KIRREL3: variants seen among roughly 807,000 people sequenced by gnomAD.
The protein encoded by KIRREL3 is kirre like nephrin family adhesion molecule 3.
In KIRREL3, 36 loss-of-function variants were observed where a neutral mutation model predicts 89.7. The ratio of observed to expected loss-of-function variants is 0.40; its 90% CI spans 0.31 to 0.53. The LOEUF (loss-of-function observed/expected upper bound fraction) is 0.53. KIRREL3 is among the 20% of genes least tolerant of loss of function. KIRREL3 has a pLI of 0.49. For missense variants in KIRREL3, 864 were observed against 1,056.6 expected, an observed-to-expected ratio of 0.82 and a Z score of 2.53; for synonymous variants, 445 against 441.4, an observed-to-expected ratio of 1.01 and a Z score of -0.10.
In KIRREL3 at chr11:126,752,666, G is replaced by A. The variant is rs1949373278; in HGVS notation, c.56-189754C>T. Among the ~76,000 whole-genome samples, 3 of 152,050 alleles carry A rather than the reference G, an allele frequency of 2.0e-5. No homozygotes were observed. The South Asian group carries it at 6.2e-4, about 32-fold the overall frequency. On this transcript the variant is annotated intron_variant, in intron 1 of 16. Transcript: ENST00000525144. The surrounding 1 kb of genome is among the most constrained non-coding windows in gnomAD (Gnocchi z 4.8). ...CCACTGCCTCCCAAGATTCACATGTGAAAGAATGCAAATTCAATTCCTCCT... is the reference window on the plus strand; with the variant it reads ...CCACTGCCTCCCAAGATTCACATGTAAAAGAATGCAAATTCAATTCCTCCT...
chr11:126,456,284 C>T, intron 7 of KIRREL3, 65 bp downstream of exon 7: 1 of 1,091,902 alleles, frequency 9.2e-7, no homozygotes, highest in Admixed American at 2.0e-5. Context: ...AAGTGACATC[C>T]CACGTGAGAG....
intron 4 of KIRREL3, among the ~76,000 whole-genome samples, chr11:126,505,356 G>A (rs1957987064): frequency 6.6e-6 from 1 of 152,186 alleles, no homozygotes; most frequent in South Asian, 2.1e-4. Context: ...GATCACTTGA[G>A]GCCAGGAGTT....
intron 1 of KIRREL3, among the ~76,000 whole-genome samples, chr11:126,972,220 T>C (rs944978736): frequency 3.0e-5 from 3 of 100,392 alleles, no homozygotes; most frequent in African/African-American, 9.1e-5. Context: ...TGCATACACA[T>C]TTCCACACAC....
intron 1 of KIRREL3, among the ~76,000 whole-genome samples, chr11:126,690,362 G>C (rs1649099): frequency 6.7e-6 from 1 of 149,522 alleles, no homozygotes; most frequent in Admixed American, 6.6e-5. Flanking sequence ...CTAAGCAGGG[G>C]TTTTTTTTTT....
rs1945428033 is a variant in KIRREL3, at chr11:126,879,870, C to T, written c.55+120585G>A. Reference sequence around the variant, plus strand: ...TCATGCCCCTCACTGAGTGGTTAGCCTGCTTTTGTGCTCCCATTTCAGAAC... The same window carrying T: ...TCATGCCCCTCACTGAGTGGTTAGCTTGCTTTTGTGCTCCCATTTCAGAAC... On this transcript the variant is annotated intron_variant, in intron 1 of 16. Transcript: ENST00000525144. The surrounding 1 kb of genome is among the most constrained non-coding windows in gnomAD (Gnocchi z 5.4). 6.6e-6 allele frequency among the ~76,000 whole-genome samples: 1 copy of T among 152,154 alleles called. No homozygotes were observed. The highest frequency in any genetic ancestry group is 1.5e-5 in the Non-Finnish European group (1 of 68,024).
rs1214073675 is a variant in KIRREL3, at chr11:126,754,785, A to T, written c.56-191873T>A. On this transcript the variant is annotated intron_variant, in intron 1 of 16. Coordinates refer to ENST00000525144, the MANE Select transcript of KIRREL3 (RefSeq NM_032531.4). The surrounding 1 kb of genome is among the most constrained non-coding windows in gnomAD (Gnocchi z 5.1). ...AGGATAGAAGCTGATGGTGAATCCA[A>T]CAGTTTCCTAAAATATAGGTCACCA... Among the ~76,000 whole-genome samples, 1 of 152,152 alleles carries T rather than the reference A, an allele frequency of 6.6e-6. No homozygotes were observed. The highest frequency in any genetic ancestry group is 1.5e-5 in the Non-Finnish European group (1 of 68,026).
Position 126,724,268 on chromosome 11 carries a change from A to G in KIRREL3, c.56-161356T>C, listed in dbSNP as rs35268928. On this transcript the variant is annotated intron_variant, in intron 1 of 16. Coordinates refer to ENST00000525144, the MANE Select transcript of KIRREL3 (RefSeq NM_032531.4). This position sits in a 1 kb window ranked among gnomAD's most constrained non-coding sequence, Gnocchi z 4.3. ...AAGATTTCTGATTCCTGTCTCCTGC[A>G]GGTTGGTTCATTTTCTTTCAAACAC... Among the ~76,000 whole-genome samples the G allele has an allele frequency of 4.0e-3, 610 of 152,336 alleles. 3 individuals carry two copies. Among genetic ancestry groups the G allele is most frequent in the African/African-American group, 0.014 (581 of 41,578 alleles).
intron 1 of KIRREL3, among the ~76,000 whole-genome samples, chr11:126,899,462 G>C (rs1462566305): frequency 6.6e-6 from 1 of 152,232 alleles, no homozygotes; most frequent in East Asian, 1.9e-4. Context: ...GGAGGTGAAA[G>C]TCAGATGCAG....
Position 126,571,708 on chromosome 11 carries a change from T to G in KIRREL3, c.56-8796A>C, listed in dbSNP as rs1189929350. Among the ~76,000 whole-genome samples, 2 of 152,140 alleles carry G rather than the reference T, an allele frequency of 1.3e-5. No individual in the cohort carries two copies. Among genetic ancestry groups the G allele is most frequent in the Non-Finnish European group, 2.9e-5 (2 of 68,028 alleles). On this transcript the variant is annotated intron_variant, in intron 1 of 16. Transcript: ENST00000525144. This position sits in a 1 kb window ranked among gnomAD's most constrained non-coding sequence, Gnocchi z 7.7. ...TAGTAAGTGCTGAGGTTAGTAAAGC[T>G]AATCATGAATGAGATTCTTTGGACT...
chr11:126,543,664 G>A (rs1173474866), intron 2 of KIRREL3, among the ~76,000 whole-genome samples: 1 of 152,146 alleles, frequency 6.6e-6, no homozygotes, highest in East Asian at 1.9e-4. Context: ...GAAGCCGATA[G>A]GACAGCCCCT....
rs79843149 is a variant in KIRREL3, at chr11:126,893,536, C to T, written c.55+106919G>A. Among the ~76,000 whole-genome samples, 481 of 152,292 alleles carry T rather than the reference C, an allele frequency of 3.2e-3. 19 individuals are homozygous for T. In the East Asian group the frequency reaches 0.08, roughly 25 times the overall value. ...TTTGTTGCCGAGCTCATGACCTAAA[C>T]GGAAACATTGAACCGGCCACCTGAA... On this transcript the variant is annotated intron_variant, in intron 1 of 16. Transcript: ENST00000525144.
In KIRREL3 at chr11:126,532,803, T is replaced by TG. The variant is rs1442717242; in HGVS notation, c.134-6117_134-6116insC. On this transcript the variant is annotated intron_variant, in intron 2 of 16. Transcript: ENST00000525144. ...AACACTGAAACGGTTGAGGGTAAAG[T>TG]TTAGTACTGGCCACCATAGGAAGAT... Among the ~76,000 whole-genome samples the TG allele has an allele frequency of 9.9e-5, 15 of 152,276 alleles. No homozygotes were observed. The South Asian group carries it at 1.0e-3, about 11-fold the overall frequency.
intron 1 of KIRREL3, among the ~76,000 whole-genome samples, chr11:126,700,075 T>A (rs1478447940): frequency 6.6e-6 from 1 of 151,956 alleles, no homozygotes; most frequent in Non-Finnish European, 1.5e-5. Flanking sequence ...ATGCCTGTGG[T>A]CCCAGCTACA....
At chr11:126,825,037 T>G (rs4402300) in intron 1 of KIRREL3, among the ~76,000 whole-genome samples, 131,403 of 152,188 alleles carry the variant, frequency 0.86, 57,077 homozygotes, top group East Asian at 1. Context: ...CAGTTCCCAG[T>G]TTGAATTTTC....
At chr11:126,939,351 C>G (rs747630588) in intron 1 of KIRREL3, among the ~76,000 whole-genome samples, 10 of 152,148 alleles carry the variant, frequency 6.6e-5, no homozygotes, top group Non-Finnish European at 1.3e-4. Flanking sequence ...CCATCAAAGA[C>G]AAGTAATTGG....
rs1172194709 is a variant in KIRREL3 at position 126,715,557 on chromosome 11, T to C, written c.56-152645A>G. On this transcript the variant is annotated intron_variant, in intron 1 of 16. Transcript: ENST00000525144. The surrounding 1 kb of genome is among the most constrained non-coding windows in gnomAD (Gnocchi z 4.4). ...CTTTTACAGTGACAGGGAAGAAATA[T>C]TGCAGGCTGCTTGAGAAAATGCAGT... is the stretch of plus-strand genomic sequence containing the variant. Among the ~76,000 whole-genome samples, 2 of 152,102 alleles carry C rather than the reference T, an allele frequency of 1.3e-5. No individual in the cohort carries two copies. The highest frequency in any genetic ancestry group is 2.9e-5 in the Non-Finnish European group (2 of 68,018).
In KIRREL3 at chr11:126,755,493, C is replaced by A. The variant is rs1264822015; in HGVS notation, c.56-192581G>T. Among the ~76,000 whole-genome samples, 1 of 152,100 alleles carries A rather than the reference C, an allele frequency of 6.6e-6. No homozygotes were observed. Among genetic ancestry groups the A allele is most frequent in the Admixed American group, 6.5e-5 (1 of 15,274 alleles). The stretch of plus-strand genomic sequence containing the variant: ...ATGAGAACCGGACTGGATAAAGCCA[C>A]CTCTTCCCATTGCTCTCTTTAAAAA... On this transcript the variant is annotated intron_variant, in intron 1 of 16. Coordinates refer to ENST00000525144, the MANE Select transcript of KIRREL3 (RefSeq NM_032531.4). The surrounding 1 kb of genome is among the most constrained non-coding windows in gnomAD (Gnocchi z 4.3).
Position 126,490,245 on chromosome 11 carries a change from G to A in KIRREL3, c.434-16779C>T, listed in dbSNP as rs1957476158. 6.6e-6 allele frequency among the ~76,000 whole-genome samples: 1 copy of A among 151,556 alleles called. No individual in the cohort carries two copies. Among genetic ancestry groups the A allele is most frequent in the African/African-American group, 2.4e-5 (1 of 41,206 alleles). On this transcript the variant is annotated intron_variant, in intron 4 of 16. Transcript: ENST00000525144. The surrounding 1 kb of genome is among the most constrained non-coding windows in gnomAD (Gnocchi z 4.2). ...GTGTGTGTGTGGCGGGGGCGGGGGA[G>A]GCAAGGCAGCTTTACTTTCTGTGTA...
rs637808 is a variant in KIRREL3 at position 126,635,789 on chromosome 11, G to A, written c.56-72877C>T. ...AATTGTTGTGGTAATCTGAAGAGGC[G>A]ATTGGTATAAAAATACCAGGTAAAA... On this transcript the variant is annotated intron_variant, in intron 1 of 16. Transcript: ENST00000525144. This position sits in a 1 kb window ranked among gnomAD's most constrained non-coding sequence, Gnocchi z 4.0. 1.2e-4 allele frequency among the ~76,000 whole-genome samples: 19 copies of A among 152,184 alleles called. No individual in the cohort carries two copies. The highest frequency in any genetic ancestry group is 2.2e-4 in the Non-Finnish European group (15 of 68,034).
Sources: gnomAD v4.1 joint callset for allele counts (sites outside exome capture counted in the v4.1 genomes callset) on GRCh38, gnomAD v4.1.1 for gene constraint, Gnocchi (gnomAD v3.1) non-coding constraint, MANE v1.5 for transcripts, NCBI Gene and HGNC (gene_info 2026-07-23, HGNC 2026-07-21) for gene names.